Variants in TNKS2 observed in about 807,000 individuals in gnomAD.
TNKS2 encodes poly [ADP-ribose] polymerase tankyrase-2.
A neutral mutation model predicts 137.6 loss-of-function variants in TNKS2; 72 were observed. The observed-to-expected ratio is 0.52, with a 90% CI of 0.43 to 0.64. TNKS2 has a LOEUF of 0.64. TNKS2 is among the 30% of genes least tolerant of loss of function. The pLI, the probability that TNKS2 is intolerant of heterozygous loss-of-function variation, is 0.00. For missense variants in TNKS2, 1,049 were observed against 1,410.2 expected, an observed-to-expected ratio of 0.74 and a Z score of 4.10; for synonymous variants, 516 against 512.1, an observed-to-expected ratio of 1.01 and a Z score of -0.10.
chr10:91,807,920 C>T (rs1354723577), intron 1 of TNKS2, among the ~76,000 whole-genome samples: 3 of 150,066 alleles, frequency 2.0e-5, no homozygotes, highest in South Asian at 2.1e-4. Context: ...GGCATGAACC[C>T]GGGAGGCAGA....
chr10:91,799,473 C>T (rs1397304923), intron 1 of TNKS2, among the ~76,000 whole-genome samples: 2 of 152,132 alleles, frequency 1.3e-5, no homozygotes, highest in African/African-American at 4.8e-5. Flanking sequence ...TGAAACCTGA[C>T]TTAGGCTGGG....
At chr10:91,818,302 G>A (rs1431061549) in intron 3 of TNKS2, among the ~76,000 whole-genome samples, 5 of 151,948 alleles carry the variant, frequency 3.3e-5, no homozygotes, top group Non-Finnish European at 5.9e-5. Context: ...TAAAAGTAAA[G>A]CCTTTAATAA....
At chr10:91,842,541 A>T in intron 16 of TNKS2, 150 bp downstream of exon 16, 1 of 707,218 alleles carries the variant, frequency 1.4e-6, no homozygotes, top group South Asian at 1.9e-5. Context: ...TATGAGGCTA[A>T]GGCAGGAGGA....
chr10:91,844,753 T>C (rs569129028), intron 16 of TNKS2, among the ~76,000 whole-genome samples, 166 bp from the exon 17 acceptor site: 42 of 152,298 alleles, frequency 2.8e-4, no homozygotes, highest in African/African-American at 1.0e-3. Context: ...ATTTCAGATT[T>C]ATACAAAATC....
chr10:91,819,314 C>A lies in TNKS2; in HGVS notation c.557+8C>A. On this transcript the variant is annotated splice_region_variant and intron_variant, in intron 4 of 26. Coordinates refer to ENST00000371627, the MANE Select transcript of TNKS2 (RefSeq NM_025235.4). ...ACTCTTAGAAAGTGCCAGGTACGTA[C>A]TAATGTTATAAATATGTGACAGGAA... The A allele has an allele frequency of 1.4e-6, 2 of 1,450,670 alleles. No homozygotes were observed. Among genetic ancestry groups the A allele is most frequent in the Non-Finnish European group, 1.8e-6 (2 of 1,089,856 alleles). The allele number at this position is 1,450,670 out of a possible 1,614,324, so 89.9% of individuals were successfully genotyped here. A position where few individuals can be genotyped will look rare whatever the true frequency, so the allele number is the denominator to read the frequency against.
At chr10:91,846,383 C>T (rs965735070) in intron 18 of TNKS2, among the ~76,000 whole-genome samples, 30 of 152,220 alleles carry the variant, frequency 2.0e-4, no homozygotes, top group Admixed American at 1.4e-3. Context: ...CCCACACTGC[C>T]TCATCCCAGA....
chr10:91,848,281 A>C (rs1425681368), intron 18 of TNKS2, 102 bp from the exon 19 acceptor site: 5 of 1,316,626 alleles, frequency 3.8e-6, no homozygotes, highest in Non-Finnish European at 1.0e-6. Context: ...TAGTACTGGC[A>C]CAAATTGCTG....
chr10:91,849,499 T>C lies in TNKS2; in HGVS notation c.2612-13T>C. On this transcript the variant is annotated splice_polypyrimidine_tract_variant and intron_variant, in intron 19 of 26. Coordinates refer to ENST00000371627, the MANE Select transcript of TNKS2 (RefSeq NM_025235.4). ...GTGAAATTCCATTTGTTTTGGATTT[T>C]TTTATTTCCCAGTTCCAGGAGTAGA... 6.2e-7 allele frequency: 1 copy of C among 1,605,108 alleles called. No homozygotes were observed. Among genetic ancestry groups the C allele is most frequent in the Non-Finnish European group, 8.5e-7 (1 of 1,176,648 alleles).
At chr10:91,841,819 A>G (rs1347424716) in intron 15 of TNKS2, among the ~76,000 whole-genome samples, 2 of 152,196 alleles carry the variant, frequency 1.3e-5, no homozygotes, top group African/African-American at 4.8e-5. Context: ...ATACCAGTGG[A>G]TATTTTACAA....
chr10:91,842,877 G>A lies in TNKS2; in HGVS notation c.2059+486G>A, dbSNP rs553836278. Reference sequence around the variant, plus strand: ...GTACTTGAAGCTATTAGCTGAGTTCGAGTTCACTTTATTACTAGTATGTTA... The same window carrying A: ...GTACTTGAAGCTATTAGCTGAGTTCAAGTTCACTTTATTACTAGTATGTTA... On this transcript the variant is annotated intron_variant, in intron 16 of 26. Coordinates refer to ENST00000371627, the MANE Select transcript of TNKS2 (RefSeq NM_025235.4). Among the ~76,000 whole-genome samples the A allele has an allele frequency of 3.0e-4, 45 of 152,280 alleles. No homozygotes were observed. The South Asian group carries it at 7.9e-3, about 27-fold the overall frequency.
chr10:91,831,066 A>AAT, intron 10 of TNKS2, 37 bp from the exon 11 acceptor site: 1 of 1,613,158 alleles, frequency 6.2e-7, no homozygotes, highest in Non-Finnish European at 8.5e-7. Context: ...TCTTTTGGAA[A>AAT]ATATATTCAC....
intron 23 of TNKS2, 102 bp from the exon 24 acceptor site, chr10:91,857,323 T>C: frequency 1.6e-6 from 1 of 606,984 alleles, no homozygotes. Context: ...AGAGTACAGT[T>C]TTGCCTACCT....
chr10:91,798,688 A>G lies in TNKS2; in HGVS notation c.-3A>G, dbSNP rs1490615389. The G allele has an allele frequency of 1.6e-6, 2 of 1,228,740 alleles. No individual in the cohort carries two copies. Among genetic ancestry groups the G allele is most frequent in the East Asian group, 3.3e-5 (1 of 30,544 alleles). The allele number at this position is 1,228,740 out of a possible 1,614,324, so 76.1% of individuals were successfully genotyped here. On this transcript the variant is annotated 5_prime_UTR_variant, in exon 1 of 27. Transcript: ENST00000371627. ...GTTGCTGGCTGTGGCGGCGGCCAGG[A>G]TCATGTCGGGTCGCCGCTGCGCCGG...
chr10:91,820,527 G>A (rs1844853372), intron 6 of TNKS2, among the ~76,000 whole-genome samples: 1 of 152,238 alleles, frequency 6.6e-6, no homozygotes, highest in African/African-American at 2.4e-5. Context: ...AGCTTTGCTG[G>A]AGCAGATGAT....
Position 91,834,290 on chromosome 10 carries a change from G to C in TNKS2, c.1447+266G>C, listed in dbSNP as rs189087898. Reference sequence around the variant, plus strand: ...TTCAAGTTTTTATCGAGAAAGTTTTGAGAGTAAGATAAAATGGTTGCTATT... The same window carrying C: ...TTCAAGTTTTTATCGAGAAAGTTTTCAGAGTAAGATAAAATGGTTGCTATT... On this transcript the variant is annotated intron_variant, in intron 12 of 26. Coordinates refer to ENST00000371627, the MANE Select transcript of TNKS2 (RefSeq NM_025235.4). Among the ~76,000 whole-genome samples the C allele has an allele frequency of 8.0e-4, 122 of 152,274 alleles. 1 individual carries two copies. Among genetic ancestry groups the C allele is most frequent in the Admixed American group, 1.4e-3 (22 of 15,304 alleles).
At chr10:91,831,733 G>A (rs1484155388) in intron 11 of TNKS2, among the ~76,000 whole-genome samples, 1 of 152,210 alleles carries the variant, frequency 6.6e-6, no homozygotes, top group African/African-American at 2.4e-5. Flanking sequence ...ATCAAGGCTA[G>A]AAATCATCTC....
rs139579315 is a variant in TNKS2 at position 91,802,300 on chromosome 10, C to A, written c.199+3411C>A. ...ACAAGCATAGATACGAAAATTAGTGCTGCTTATTCTAGAGATGAAAGAAGA... is the reference window on the plus strand; with the variant it reads ...ACAAGCATAGATACGAAAATTAGTGATGCTTATTCTAGAGATGAAAGAAGA... On this transcript the variant is annotated intron_variant, in intron 1 of 26. Transcript: ENST00000371627. 2.4e-3 allele frequency among the ~76,000 whole-genome samples: 368 copies of A among 152,274 alleles called. 2 individuals carry two copies. The highest frequency in any genetic ancestry group is 8.5e-3 in the African/African-American group (353 of 41,540).
intron 6 of TNKS2, among the ~76,000 whole-genome samples, chr10:91,821,500 G>A (rs1844891385): frequency 6.6e-6 from 1 of 152,104 alleles, no homozygotes; most frequent in Non-Finnish European, 1.5e-5. Context: ...CTAAATCACA[G>A]GTGACCATCC....
intron 2 of TNKS2, among the ~76,000 whole-genome samples, chr10:91,815,347 C>T (rs965072963): frequency 2.0e-5 from 3 of 152,184 alleles, no homozygotes; most frequent in Non-Finnish European, 4.4e-5. Context: ...GTTACCTCTG[C>T]CCAATTCTCC....
Sources: allele counts gnomAD v4.1 joint callset (sites outside exome capture counted in the v4.1 genomes callset), GRCh38; gene constraint gnomAD v4.1.1; transcripts MANE v1.5; gene names NCBI Gene and HGNC (gene_info 2026-07-23, HGNC 2026-07-21).